The following WDR75 variants were observed in gnomAD, a reference collection of about 807,000 sequenced individuals.
WDR75 encodes WD repeat domain 75.
A neutral mutation model predicts 106.1 loss-of-function variants in WDR75; 52 were observed. The observed-to-expected ratio is 0.49, with a 90% CI of 0.39 to 0.62. WDR75 has a LOEUF of 0.62. Ranked by LOEUF, WDR75 falls within the 20% of genes least tolerant of loss-of-function variation. WDR75 has a pLI of 0.00. For synonymous variants in WDR75, 333 were observed against 335.5 expected (o/e 0.99, Z 0.08); for missense variants, 905 against 970.3 (o/e 0.93, Z 0.89).
At chr2:189,458,224 A>G (rs76926223) in intron 6 of WDR75, among the ~76,000 whole-genome samples, 4,329 of 152,242 alleles carry the variant, frequency 0.028, 98 homozygotes, top group South Asian at 0.051. Flanking sequence ...TGCCCGGCCA[A>G]TTGCTTTCTT....
At chr2:189,470,410 A>G (rs1431105478) in intron 17 of WDR75, among the ~76,000 whole-genome samples, 165 bp downstream of exon 17, 2 of 152,164 alleles carry the variant, frequency 1.3e-5, no homozygotes, top group Non-Finnish European at 2.9e-5. Context: ...ATTAATGTAA[A>G]TGTATTACCG....
At chr2:189,468,629 T>G in intron 15 of WDR75, 60 bp downstream of exon 15, 3 of 1,564,268 alleles carry the variant, frequency 1.9e-6, no homozygotes, top group Non-Finnish European at 2.6e-6. Context: ...GACATTAAAC[T>G]TTGGCATTTT....
intron 17 of WDR75, among the ~76,000 whole-genome samples, chr2:189,470,486 A>G (rs1687094064): frequency 6.6e-6 from 1 of 152,120 alleles, no homozygotes; most frequent in African/African-American, 2.4e-5. Flanking sequence ...GCAAAAAAGC[A>G]GAAGACAACT....
Position 189,465,154 on chromosome 2 carries a change from T to A in WDR75, c.1189T>A (p.Cys397Ser). 2 of 1,613,336 alleles carry A rather than the reference T, an allele frequency of 1.2e-6. No individual in the cohort carries two copies. The highest frequency in any genetic ancestry group is 1.7e-6 in the Non-Finnish European group (2 of 1,179,454). Residue 397 changes from cysteine to serine, a missense_variant, in exon 12 of 21, where the codon TGC (cysteine) becomes AGC (serine). Cys to Ser is a moderately radical substitution (Grantham distance 112). Coordinates refer to ENST00000314761, the MANE Select transcript of WDR75 (RefSeq NM_032168.3). The stretch of plus-strand genomic sequence containing the variant: ...TGAACTAACAAAGGCTGCATTTGGC[T>A]GCTTTGGTAACTGGCTTGCAACAGT... ...QIELTKAAFG[C>S]FGNWLATVEQ...
rs1289645477 is a variant in WDR75 at position 189,475,072 on chromosome 2, ACCC to A, written c.2289-140_2289-138del. ...AAATTCACCTGCTCTTTTATAAATA[ACCC>A]ATAATTTTTAAAGTGTACTTAGTAA... On this transcript the variant is annotated intron_variant, in intron 20 of 20. Transcript: ENST00000314761. 1.8e-4 allele frequency: 131 copies of A among 727,302 alleles called. 1 individual carries two copies. The highest frequency in any genetic ancestry group is 1.1e-5 in the Non-Finnish European group (5 of 453,192). 45.1% of individuals were successfully genotyped at this position (727,302 alleles called of 1,614,324 possible). A position where few individuals can be genotyped will look rare whatever the true frequency, so the allele number is the denominator to read the frequency against.
At chr2:189,467,320 G>T (rs923951068) in intron 13 of WDR75, 148 bp from the exon 14 acceptor site, 4 of 683,474 alleles carry the variant, frequency 5.9e-6, no homozygotes, top group Non-Finnish European at 7.3e-6. Context: ...TTTTTGTACT[G>T]TACACAGCTA....
At chr2:189,448,589 A>C in intron 2 of WDR75, 81 bp downstream of exon 2, 1 of 1,538,102 alleles carries the variant, frequency 6.5e-7, no homozygotes, top group Non-Finnish European at 8.8e-7. Flanking sequence ...TGACTGAGAA[A>C]CTTTCCAGGT....
intron 18 of WDR75, among the ~76,000 whole-genome samples, chr2:189,473,626 G>A (rs1177517529): frequency 1.3e-5 from 2 of 152,196 alleles, no homozygotes; most frequent in Admixed American, 6.5e-5. Flanking sequence ...AGGAGGAGCT[G>A]TGGGGTGCTT....
chr2:189,443,979 T>TA (rs1031515120), intron 1 of WDR75, among the ~76,000 whole-genome samples: 3 of 152,134 alleles, frequency 2.0e-5, no homozygotes, highest in South Asian at 2.1e-4. Flanking sequence ...AATGGGGAGA[T>TA]AGAGTTCAGT....
At chr2:189,466,080 GCA>G (rs1288985373) in intron 12 of WDR75, among the ~76,000 whole-genome samples, 3 of 152,092 alleles carry the variant, frequency 2.0e-5, no homozygotes, top group African/African-American at 7.2e-5. Context: ...TCAAAAGTAG[GCA>G]GGAATCTGGG....
chr2:189,469,301 A>T (rs1687069407), intron 15 of WDR75, 43 bp from the exon 16 acceptor site: 2 of 1,506,520 alleles, frequency 1.3e-6, no homozygotes, highest in African/African-American at 2.7e-5. Flanking sequence ...AGCTTTTGGT[A>T]AATCTTTCCT....
At position 189,462,645 on chromosome 2, in the gene WDR75, A is replaced by G; in HGVS notation, c.937+3A>G. 1 of 1,612,782 alleles carries G rather than the reference A, an allele frequency of 6.2e-7. No individual in the cohort carries two copies. The highest frequency in any genetic ancestry group is 8.5e-7 in the Non-Finnish European group (1 of 1,179,354). ...CTGCACTTCTCACTCTGATAATAGT[A>G]AGTCTAAATTTTTTATTATGAGGAA... On this transcript the variant is annotated splice_donor_region_variant and intron_variant, in intron 9 of 20. Transcript: ENST00000314761.
At chr2:189,455,876 A>G (rs1188069291) in intron 5 of WDR75, among the ~76,000 whole-genome samples, 1 of 152,222 alleles carries the variant, frequency 6.6e-6, no homozygotes, top group Non-Finnish European at 1.5e-5. Context: ...AAAAGAATTA[A>G]GATCAGAAGT....
At chr2:189,448,334 G>A (rs1686542535) in intron 1 of WDR75, 45 bp from the exon 2 acceptor site, 3 of 1,588,496 alleles carry the variant, frequency 1.9e-6, no homozygotes, top group Non-Finnish European at 2.6e-6. Flanking sequence ...GTGAAAACAG[G>A]CTAATACAGT....
At chr2:189,444,420 T>C (rs1295290711) in intron 1 of WDR75, among the ~76,000 whole-genome samples, 1 of 152,152 alleles carries the variant, frequency 6.6e-6, no homozygotes, top group Non-Finnish European at 1.5e-5. Context: ...ATATTAGATA[T>C]TACTGACTCT....
At chr2:189,468,151 G>A (rs372877153) in intron 14 of WDR75, among the ~76,000 whole-genome samples, 6 of 152,026 alleles carry the variant, frequency 3.9e-5, no homozygotes, top group Non-Finnish European at 2.9e-5. Flanking sequence ...AATTGAAATC[G>A]CAAGTTTTCT....
chr2:189,449,403 A>G (rs749370959), intron 2 of WDR75: 21 of 1,269,852 alleles, frequency 1.7e-5, no homozygotes, highest in Non-Finnish European at 2.1e-5. Context: ...ATCCAAGTAC[A>G]TATTTTATGC....
intron 14 of WDR75, 26 bp from the exon 15 acceptor site, chr2:189,468,449 C>G: frequency 6.2e-7 from 1 of 1,609,884 alleles, no homozygotes; most frequent in South Asian, 1.1e-5. Context: ...CTGACTGTTG[C>G]TAACTTCCTT....
chr2:189,445,605 G>C (rs181749548), intron 1 of WDR75, among the ~76,000 whole-genome samples: 17 of 152,202 alleles, frequency 1.1e-4, no homozygotes, highest in Non-Finnish European at 2.4e-4. Flanking sequence ...TGGGGTCTAG[G>C]AACATAAAAA....
Sources: allele counts gnomAD v4.1 joint callset (sites outside exome capture counted in the v4.1 genomes callset), GRCh38; gene constraint gnomAD v4.1.1; transcripts MANE v1.5; gene names NCBI Gene and HGNC (gene_info 2026-07-23, HGNC 2026-07-21).